Variants in SLFN11 observed in about 807,000 individuals in gnomAD.
SLFN11 encodes the protein schlafen family member 11.
In SLFN11, 43 loss-of-function variants were observed where a neutral mutation model predicts 53.4. That is an observed-to-expected ratio of 0.80 (90% confidence interval 0.63 to 1.04). SLFN11 has a LOEUF of 1.04. Ranked by LOEUF, SLFN11 falls within the 50% of genes least tolerant of loss-of-function variation. The probability of loss-of-function intolerance (pLI) is 0.00; values close to 1 mark genes in which losing one functional copy is unlikely to be tolerated. For missense variants in SLFN11, 990 were observed against 1,079.1 expected (o/e 0.92, Z 1.16); for synonymous variants, 389 against 394.7 (o/e 0.99, Z 0.17).
At chr17:35,365,306 G>A (rs1027297471) in intron 3 of SLFN11, among the ~76,000 whole-genome samples, 8 of 151,972 alleles carry the variant, frequency 5.3e-5, no homozygotes, top group South Asian at 2.1e-4. Flanking sequence ...TATTTTTTGC[G>A]TGTGAGATGG....
At chr17:35,365,658 G>C (rs1908870915) in intron 3 of SLFN11, among the ~76,000 whole-genome samples, 4 of 151,982 alleles carry the variant, frequency 2.6e-5, no homozygotes, top group Admixed American at 2.0e-4. Flanking sequence ...GAACAAGAAA[G>C]ATATTTGACA....
intron 5 of SLFN11, among the ~76,000 whole-genome samples, chr17:35,354,696 G>A (rs1041615253): frequency 2.6e-5 from 4 of 152,098 alleles, no homozygotes; most frequent in African/African-American, 9.7e-5. Flanking sequence ...CTGTGTCACA[G>A]GCAAACAAGA....
chr17:35,358,417 C>T (rs1335664095), intron 5 of SLFN11, among the ~76,000 whole-genome samples: 1 of 151,676 alleles, frequency 6.6e-6, no homozygotes, highest in Admixed American at 6.6e-5. Flanking sequence ...TTTCTCTTAT[C>T]TAACTGTATT....
chr17:35,365,095 A>C (rs1908789764), intron 3 of SLFN11, among the ~76,000 whole-genome samples: 2 of 152,092 alleles, frequency 1.3e-5, no homozygotes, highest in African/African-American at 4.8e-5. Context: ...AAGAGAGGTA[A>C]GGAAGGAATG....
In SLFN11 at chr17:35,364,236, C is replaced by T. The variant is rs564872220; in HGVS notation, c.-19-410G>A. The stretch of plus-strand genomic sequence containing the variant: ...ATCTCAGTTTAGGTTGTTGATGTTC[C>T]AGTGAACACCAACTTTAGGGGATGA... On this transcript the variant is annotated intron_variant, in intron 3 of 6. Coordinates refer to ENST00000685675, the MANE Select transcript of SLFN11 (RefSeq NM_001376007.1). Among the ~76,000 whole-genome samples, 29 of 152,130 alleles carry T rather than the reference C, an allele frequency of 1.9e-4. No individual in the cohort carries two copies. In the East Asian group the frequency reaches 4.1e-3, roughly 21 times the overall value.
intron 1 of SLFN11, among the ~76,000 whole-genome samples, chr17:35,369,430 G>T (rs1176718150): frequency 6.6e-6 from 1 of 152,084 alleles, no homozygotes; most frequent in Non-Finnish European, 1.5e-5. Flanking sequence ...TTGAGGGCCA[G>T]CTCAGTCCCA....
Position 35,352,418 on chromosome 17 carries a change from G to C in SLFN11, c.2644C>G (p.Leu882Val). 3 of 1,614,252 alleles carry C rather than the reference G, an allele frequency of 1.9e-6. No individual in the cohort carries two copies. Among genetic ancestry groups the C allele is most frequent in the Non-Finnish European group, 2.5e-6 (3 of 1,180,050 alleles). ...TTTGCCCTGGAAGCCAGACAGATCA[G>C]AACATTGGGTAAGATAGCTGGGTCA... ...TADPAILPNV[L>V]ICLASRAKQH... The change falls in exon 7 of 7, where the codon CTG (leucine) becomes GTG (valine). Residue 882 changes from leucine to valine, a missense_variant. Transcript: ENST00000685675.
chr17:35,363,186 G>T lies in SLFN11; in HGVS notation c.622C>A (p.Pro208Thr), dbSNP rs1294214601. 1 of 1,614,044 alleles carries T rather than the reference G, an allele frequency of 6.2e-7. No homozygotes were observed. The highest frequency in any genetic ancestry group is 1.1e-5 in the South Asian group (1 of 91,076). Reference sequence around the variant, plus strand: ...TTAAACTCTACTAACTGAGACTCAGGAAAAGGCAGGATTTCACCATATTCA... The same window carrying T: ...TTAAACTCTACTAACTGAGACTCAGTAAAAGGCAGGATTTCACCATATTCA... ...YLEYGEILPF[P>T]ESQLVEFKQF... Residue 208 changes from proline to threonine, a missense_variant, in exon 4 of 7, where the codon CCT becomes ACT. Transcript: ENST00000685675.
At chr17:35,353,161 A>G in intron 6 of SLFN11, 22 bp from the exon 7 acceptor site, 1 of 1,604,126 alleles carries the variant, frequency 6.2e-7, no homozygotes, top group Non-Finnish European at 8.5e-7. Flanking sequence ...AAAAGAACAC[A>G]CTCAGGTTTT....
chr17:35,353,296 GA>G (rs1318575780), intron 6 of SLFN11, 39 bp downstream of exon 6: 1 of 1,612,430 alleles, frequency 6.2e-7, no homozygotes, highest in Non-Finnish European at 8.5e-7. Context: ...ATTAAACCCA[GA>G]TTAAATAATA....
chr17:35,364,518 T>C (rs1908699267), intron 3 of SLFN11, among the ~76,000 whole-genome samples: 1 of 152,004 alleles, frequency 6.6e-6, no homozygotes, highest in Non-Finnish European at 1.5e-5. Context: ...AAAATTAAGG[T>C]TATTGGTGAC....
Position 35,351,698 on chromosome 17 carries a change from T to C in SLFN11, c.*658A>G, listed in dbSNP as rs1906695345. Reference sequence around the variant, plus strand: ...TATAATTTCTCCTTAAAGTGACCATTAATATTCACTATCACAATTAAGGCT... The same window carrying C: ...TATAATTTCTCCTTAAAGTGACCATCAATATTCACTATCACAATTAAGGCT... On this transcript the variant is annotated 3_prime_UTR_variant, in exon 7 of 7. Transcript: ENST00000685675. The C allele has an allele frequency of 6.6e-6, 1 of 152,232 alleles. No individual in the cohort carries two copies. The highest frequency in any genetic ancestry group is 1.5e-5 in the Non-Finnish European group (1 of 68,080). The allele number at this position is 152,232 out of a possible 1,614,324, so 9.4% of individuals were successfully genotyped here. A position where few individuals can be genotyped will look rare whatever the true frequency, so the allele number is the denominator to read the frequency against.
chr17:35,354,791 A>G (rs1301628590), intron 5 of SLFN11, among the ~76,000 whole-genome samples: 1 of 152,086 alleles, frequency 6.6e-6, no homozygotes, highest in Non-Finnish European at 1.5e-5. Flanking sequence ...TGGGAGGGGG[A>G]GGAAGATAAT....
In SLFN11 at chr17:35,353,377, A is replaced by G. The variant is rs1809129040; in HGVS notation, c.1881T>C (p.Ile627=). 3 of 1,591,760 alleles carry G rather than the reference A, an allele frequency of 1.9e-6. No homozygotes were observed. In the African/African-American group the frequency reaches 4.1e-5, roughly 22 times the overall value. ...GAGGCTGGTTTTCACAAACGTAGAG[A>G]ATTCTGTGTGCCTCACAGTGAAACA... ...RNVFHCEAHR[I]LYVCENQPLR... is the part of the protein sequence containing the mutation. Residue 627 remains isoleucine (I), a synonymous_variant, in exon 6 of 7, where the codon ATT becomes ATC. Coordinates refer to ENST00000685675, the MANE Select transcript of SLFN11 (RefSeq NM_001376007.1).
In SLFN11 at chr17:35,367,045, T is replaced by TG; in HGVS notation, c.-119dup. 1 of 145,512 alleles carries TG rather than the reference T, an allele frequency of 6.9e-6. No individual in the cohort carries two copies. Among genetic ancestry groups the TG allele is most frequent in the East Asian group, 2.0e-4 (1 of 4,926 alleles). 9.0% of individuals were successfully genotyped at this position (145,512 alleles called of 1,614,324 possible). A position where few individuals can be genotyped will look rare whatever the true frequency, so the allele number is the denominator to read the frequency against. On this transcript the variant is annotated 5_prime_UTR_variant, in exon 3 of 7. Coordinates refer to ENST00000685675, the MANE Select transcript of SLFN11 (RefSeq NM_001376007.1). ...AAGATCGTGCCACTGCACTCCAGCCTGGGGGTCAAAGTAAGAATCTGTCTC... is the reference window on the plus strand; with the variant it reads ...AAGATCGTGCCACTGCACTCCAGCCTGGGGGGTCAAAGTAAGAATCTGTCTC...
rs1199337923 is a variant in SLFN11 at position 35,363,120 on chromosome 17, T to C, written c.688A>G (p.Thr230Ala). 3.7e-6 allele frequency: 6 copies of C among 1,613,800 alleles called. No individual in the cohort carries two copies. The East Asian group carries it at 6.7e-5, about 18-fold the overall frequency. ...TKHFQEYVKRTIPEYVPAFAN... is the reference protein window; with the variant it reads ...TKHFQEYVKRAIPEYVPAFAN... ...AATGCAGGGACGTATTCTGGAATTG[T>C]CCTTTTTACATATTCTTGGAAGTGT... Residue 230 changes from threonine (T) to alanine (A), a missense_variant, in exon 4 of 7, where the codon ACA (threonine) becomes GCA (alanine). Transcript: ENST00000685675.
intron 4 of SLFN11, 47 bp downstream of exon 4, chr17:35,362,692 C>A: frequency 6.9e-7 from 1 of 1,454,998 alleles, no homozygotes; most frequent in South Asian, 1.5e-5. Flanking sequence ...ATGGGAGGTC[C>A]CAAGGATGTA....
At chr17:35,360,779 C>T (rs80296370) in intron 4 of SLFN11, among the ~76,000 whole-genome samples, 2 of 152,118 alleles carry the variant, frequency 1.3e-5, no homozygotes, top group Non-Finnish European at 2.9e-5. Context: ...CATCTCATCA[C>T]TGATTTGTAA....
Position 35,352,072 on chromosome 17 carries a change from A to G in SLFN11, c.*284T>C. On this transcript the variant is annotated 3_prime_UTR_variant, in exon 7 of 7. Transcript: ENST00000685675. Reference sequence around the variant, plus strand: ...TTTCTTATTTTTATGGCTTTTACCCAAAATGCAAGACACAGATCGGCATTG... The same window carrying G: ...TTTCTTATTTTTATGGCTTTTACCCGAAATGCAAGACACAGATCGGCATTG... 1 of 372,214 alleles carries G rather than the reference A, an allele frequency of 2.7e-6. No homozygotes were observed. The highest frequency in any genetic ancestry group is 2.1e-5 in the African/African-American group (1 of 48,376). 23.1% of individuals were successfully genotyped at this position (372,214 alleles called of 1,614,324 possible). A position where few individuals can be genotyped will look rare whatever the true frequency, so the allele number is the denominator to read the frequency against.
Sources: allele counts gnomAD v4.1 joint callset (sites outside exome capture counted in the v4.1 genomes callset), GRCh38; gene constraint gnomAD v4.1.1; transcripts MANE v1.5; gene names NCBI Gene and HGNC (gene_info 2026-07-23, HGNC 2026-07-21).